Variants in DPP10 observed in about 807,000 individuals in gnomAD.
The protein encoded by DPP10 is inactive dipeptidyl peptidase 10.
Under a neutral mutation model 120.9 loss-of-function variants are expected in DPP10, and 33 were observed. The ratio of observed to expected loss-of-function variants is 0.27; its 90% confidence interval spans 0.21 to 0.37. The LOEUF (loss-of-function observed/expected upper bound fraction) is 0.37, where lower values mean the gene tolerates loss of function less well. DPP10 is among the 10% of genes least tolerant of loss of function. DPP10 has a pLI of 1.00. For synonymous variants in DPP10, 337 were observed against 326.1 expected (o/e 1.03, Z -0.36); for missense variants, 816 against 942.8 (o/e 0.87, Z 1.76).
intron 1 of DPP10, among the ~76,000 whole-genome samples, chr2:114,682,122 C>T (rs114598267): frequency 1.2e-3 from 179 of 152,022 alleles, no homozygotes; most frequent in African/African-American, 4.2e-3. Flanking sequence ...TTCCTAGACC[C>T]GGCAACATGA....
intron 1 of DPP10, among the ~76,000 whole-genome samples, chr2:114,554,064 C>T (rs1331241937): frequency 6.6e-6 from 1 of 152,178 alleles, no homozygotes; most frequent in Non-Finnish European, 1.5e-5. Context: ...AACAACTTTT[C>T]ATAGGAGAGT....
At chr2:115,090,875 C>G (rs1709193550) in intron 1 of DPP10, among the ~76,000 whole-genome samples, 1 of 152,038 alleles carries the variant, frequency 6.6e-6, no homozygotes, top group South Asian at 2.1e-4. Flanking sequence ...TGGCATGTCT[C>G]TGGTCAGGAA....
intron 1 of DPP10, among the ~76,000 whole-genome samples, chr2:114,572,871 C>A (rs1444070591): frequency 6.6e-6 from 1 of 152,208 alleles, no homozygotes; most frequent in Admixed American, 6.5e-5. Context: ...AAAGCCTGTG[C>A]TCTTTCTACT....
intron 7 of DPP10, among the ~76,000 whole-genome samples, chr2:115,704,822 G>A (rs930874675): frequency 1.3e-5 from 2 of 151,884 alleles, no homozygotes. Flanking sequence ...AAATTTGATT[G>A]CTATTCAAAG....
intron 4 of DPP10, among the ~76,000 whole-genome samples, chr2:115,512,822 C>A (rs1231231197): frequency 6.6e-6 from 1 of 151,940 alleles, no homozygotes; most frequent in Non-Finnish European, 1.5e-5. Context: ...TATGATCTCA[C>A]CTAGAAAATA....
At chr2:114,805,907 A>G (rs1684681944) in intron 1 of DPP10, among the ~76,000 whole-genome samples, 1 of 152,190 alleles carries the variant, frequency 6.6e-6, no homozygotes, top group Non-Finnish European at 1.5e-5. Flanking sequence ...GTACAATTCT[A>G]TCATGTACCC....
At chr2:114,629,899 C>G (rs533260381) in intron 1 of DPP10, among the ~76,000 whole-genome samples, 1 of 152,104 alleles carries the variant, frequency 6.6e-6, no homozygotes, top group Admixed American at 6.5e-5. Context: ...AATATCCTTT[C>G]AAAAGACTAT....
At chr2:115,693,662 C>A (rs1003889328) in intron 7 of DPP10, among the ~76,000 whole-genome samples, 1 of 151,796 alleles carries the variant, frequency 6.6e-6, no homozygotes, top group Admixed American at 6.6e-5. Context: ...GTTATTGATT[C>A]CTTATTTTTT....
intron 1 of DPP10, among the ~76,000 whole-genome samples, chr2:114,594,295 C>T (rs1691708219): frequency 6.6e-6 from 1 of 151,826 alleles, no homozygotes; most frequent in Admixed American, 6.6e-5. Context: ...GCTCTCCTTG[C>T]TCCTTAAGCT....
chr2:115,341,262 G>GC (rs1559454117), intron 2 of DPP10, among the ~76,000 whole-genome samples: 2 of 150,850 alleles, frequency 1.3e-5, no homozygotes, highest in Non-Finnish European at 3.0e-5. Context: ...TTTTTTAATA[G>GC]TTTTTTTTTA....
chr2:114,632,400 A>G (rs1418167057), intron 1 of DPP10, among the ~76,000 whole-genome samples: 1 of 150,814 alleles, frequency 6.6e-6, no homozygotes, highest in Non-Finnish European at 1.5e-5. Context: ...TAAGTACTAT[A>G]TATATATATT....
At chr2:114,932,180 A>G (rs1003912392) in intron 1 of DPP10, among the ~76,000 whole-genome samples, 5 of 152,250 alleles carry the variant, frequency 3.3e-5, no homozygotes, top group Non-Finnish European at 7.3e-5. Context: ...CTATAGAGCC[A>G]GGCAATTTGT....
chr2:115,733,825 TG>T (rs2092967996), intron 8 of DPP10, among the ~76,000 whole-genome samples: 1 of 152,218 alleles, frequency 6.6e-6, no homozygotes, highest in African/African-American at 2.4e-5. Context: ...CCATCTGCTC[TG>T]CAGTGAGATT....
chr2:115,311,032 A>G (rs562239261), intron 2 of DPP10, among the ~76,000 whole-genome samples: 42 of 152,186 alleles, frequency 2.8e-4, no homozygotes, highest in Admixed American at 2.6e-4. Flanking sequence ...TCACTAAGTT[A>G]AACTTCTGCT....
intron 1 of DPP10, among the ~76,000 whole-genome samples, chr2:115,047,741 C>A (rs1453724945): frequency 2.6e-5 from 4 of 152,000 alleles, no homozygotes; most frequent in East Asian, 1.9e-4. Flanking sequence ...AATTAAAAAA[C>A]CCCAAAGTGA....
chr2:114,485,345 C>T (rs916163403), intron 1 of DPP10, among the ~76,000 whole-genome samples: 6 of 151,874 alleles, frequency 4.0e-5, no homozygotes, highest in Non-Finnish European at 4.4e-5. Context: ...AATGAAGCAA[C>T]AGTAAAAAGC....
At chr2:115,731,729 TA>T (rs757755475) in intron 8 of DPP10, among the ~76,000 whole-genome samples, 2 of 152,140 alleles carry the variant, frequency 1.3e-5, no homozygotes, top group Admixed American at 6.5e-5. Context: ...TTTTGGGACC[TA>T]AATTGTCAGA....
intron 1 of DPP10, among the ~76,000 whole-genome samples, chr2:114,556,284 G>A (rs1212198868): frequency 1.6e-5 from 2 of 123,750 alleles, no homozygotes; most frequent in African/African-American, 6.1e-5. Context: ...AATAATAGAT[G>A]ATAGATGAGT....
At chr2:114,907,183 G>A (rs1381223417) in intron 1 of DPP10, among the ~76,000 whole-genome samples, 3 of 151,856 alleles carry the variant, frequency 2.0e-5, no homozygotes, top group Admixed American at 6.6e-5. Flanking sequence ...TTTTAGCAAT[G>A]TAAGTCTTCT....
Sources: allele counts gnomAD v4.1 joint callset (sites outside exome capture counted in the v4.1 genomes callset), GRCh38; gene constraint gnomAD v4.1.1; transcripts MANE v1.5; gene names NCBI Gene and HGNC (gene_info 2026-07-23, HGNC 2026-07-21).